The following PDPR variants were observed in gnomAD, a reference collection of about 807,000 sequenced individuals.
PDPR encodes pyruvate dehydrogenase phosphatase regulatory subunit, mitochondrial.
A neutral mutation model predicts 102.2 loss-of-function variants in PDPR; 50 were observed. The ratio of observed to expected loss-of-function variants is 0.49; its 90% confidence interval spans 0.39 to 0.62. PDPR has a LOEUF of 0.62. Among genes scored for constraint, PDPR ranks in the 20% least tolerant of loss-of-function variants. The pLI is 0.00. For synonymous variants in PDPR, 259 were observed against 406.0 expected (o/e 0.64, Z 4.35); for missense variants, 625 against 1,098.2 (o/e 0.57, Z 6.09).
intron 11 of PDPR, among the ~76,000 whole-genome samples, chr16:70,141,115 G>A (rs540389364): frequency 1.2e-4 from 19 of 152,210 alleles, no homozygotes; most frequent in East Asian, 9.7e-4. Context: ...GTGCCGTGGC[G>A]TGATTTCGGC....
rs775038419 is a variant in PDPR at position 70,156,873 on chromosome 16, G to C, written c.2634G>C (p.Gly878=). ...KDDMELSDLH[G]K The stretch of plus-strand genomic sequence containing the variant: ...ACATGGAGCTGAGTGACTTACATGG[G>C]AAGTGATGCCACCAGGGCAGCCTCA... The change falls in exon 19 of 19, where the codon GGG becomes GGC. Residue 878 remains glycine (G), a synonymous_variant. Transcript: ENST00000288050. 6.2e-7 allele frequency: 1 copy of C among 1,613,408 alleles called. No individual in the cohort carries two copies. The highest frequency in any genetic ancestry group is 8.5e-7 in the Non-Finnish European group (1 of 1,179,610).
chr16:70,151,224 G>A (rs768873675), intron 17 of PDPR, among the ~76,000 whole-genome samples: 2 of 152,232 alleles, frequency 1.3e-5, no homozygotes, highest in African/African-American at 2.4e-5. Flanking sequence ...ATGAGCCACC[G>A]CACCCGGCCT....
intron 18 of PDPR, chr16:70,156,228 A>C (rs1339755002): frequency 1.8e-6 from 1 of 548,810 alleles, no homozygotes; most frequent in East Asian, 3.3e-5. Flanking sequence ...TTGTGACTTT[A>C]TGTTTATAAA....
chr16:70,148,003 A>C (rs1372461418), intron 16 of PDPR, among the ~76,000 whole-genome samples: 2 of 152,240 alleles, frequency 1.3e-5, no homozygotes. Context: ...TGTTCTGAGA[A>C]TCAGAAGCCC....
intron 3 of PDPR, among the ~76,000 whole-genome samples, chr16:70,125,518 C>T (rs1344100929): frequency 2.1e-5 from 3 of 141,446 alleles, no homozygotes; most frequent in South Asian, 2.2e-4. Context: ...TGTGCCATTG[C>T]ACTCCAGCCT....
chr16:70,119,629 C>T (rs1963014275), intron 2 of PDPR, among the ~76,000 whole-genome samples: 1 of 149,518 alleles, frequency 6.7e-6, no homozygotes, highest in Non-Finnish European at 1.5e-5. Context: ...AAATGTATAG[C>T]TCGTTCCTTA....
In PDPR at chr16:70,156,909, A is replaced by G. The variant is rs1047213855; in HGVS notation, c.*30A>G. On this transcript the variant is annotated 3_prime_UTR_variant, in exon 19 of 19. Coordinates refer to ENST00000288050, the MANE Select transcript of PDPR (RefSeq NM_017990.5). ...ACCAGGGCAGCCTCACCTCCTCCCC[A>G]TCATCTTGTCCTAGAGTGGGCGTCA... 25 of 1,606,814 alleles carry G rather than the reference A, an allele frequency of 1.6e-5. No individual in the cohort carries two copies. Among genetic ancestry groups the G allele is most frequent in the Non-Finnish European group, 2.1e-5 (25 of 1,176,684 alleles).
chr16:70,153,708 G>A, intron 18 of PDPR, 135 bp downstream of exon 18: 2 of 941,522 alleles, frequency 2.1e-6, no homozygotes, highest in East Asian at 2.7e-5. Flanking sequence ...AGGTAAATGA[G>A]GACAAGAGTG....
chr16:70,115,109 T>C (rs1597277500), intron 2 of PDPR, among the ~76,000 whole-genome samples, 179 bp downstream of exon 2: 1 of 152,126 alleles, frequency 6.6e-6, no homozygotes, highest in Non-Finnish European at 1.5e-5. Context: ...GGGACTTGTG[T>C]TAATTTCTTT....
At chr16:70,138,207 ATTTTTTTTTTT>A (rs1201065640) in intron 10 of PDPR, among the ~76,000 whole-genome samples, 955 of 93,888 alleles carry the variant, frequency 0.01, 3 homozygotes, top group Non-Finnish European at 0.014. Context: ...ACGCCGGCTA[ATTTTTTTTTTT>A]TTTTTTTTTT....
intron 14 of PDPR, among the ~76,000 whole-genome samples, chr16:70,144,031 A>C (rs1225183620): frequency 1.3e-5 from 2 of 152,198 alleles, no homozygotes; most frequent in Non-Finnish European, 2.9e-5. Flanking sequence ...AGCTGGGACC[A>C]CAGGTACACG....
At chr16:70,122,841 C>T (rs1161569570) in intron 3 of PDPR, among the ~76,000 whole-genome samples, 6 of 78,192 alleles carry the variant, frequency 7.7e-5, no homozygotes, top group Non-Finnish European at 3.0e-5. Flanking sequence ...AGTTATATAT[C>T]TGTATACACA....
chr16:70,133,421 C>CTTGTTTTTTTTTTTTTTTTT, intron 9 of PDPR, among the ~76,000 whole-genome samples: 1 of 103,756 alleles, frequency 9.6e-6, no homozygotes, highest in South Asian at 3.4e-4. Flanking sequence ...TGCGTCTGGC[C>CTTGTTTTTTTTTTTTTTTTT]TTTTTTTTTT....
At chr16:70,151,398 A>G (rs62051028) in intron 17 of PDPR, among the ~76,000 whole-genome samples, 1 of 152,280 alleles carries the variant, frequency 6.6e-6, no homozygotes, top group South Asian at 2.1e-4. Context: ...CACTGTGCCC[A>G]ACCCTTTTTA....
At chr16:70,134,112 A>G (rs1964846826) in intron 9 of PDPR, among the ~76,000 whole-genome samples, 2 of 152,278 alleles carry the variant, frequency 1.3e-5, no homozygotes, top group African/African-American at 4.8e-5. Context: ...AGGACTTCAT[A>G]TAAAATTGAA....
In PDPR at chr16:70,156,605, T is replaced by A. The variant is rs1260655214; in HGVS notation, c.2366T>A (p.Ile789Asn). Residue 789 changes from isoleucine to asparagine, a missense_variant, in exon 19 of 19, where the codon ATT becomes AAT. By Grantham distance (149) the Ile-to-Asn change is moderately radical. Around this residue, in one of 11 missense-constraint regions of PDPR, gnomAD observed 303 missense variants for 258.9 expected, o/e 1.17. Coordinates refer to ENST00000288050, the MANE Select transcript of PDPR (RefSeq NM_017990.5). Reference sequence around the variant, plus strand: ...CTTTGGCCTTGGTGGGGAGAGCCCATTTACCGGAATGGGCAGTATGTTGGC... The same window carrying A: ...CTTTGGCCTTGGTGGGGAGAGCCCAATTACCGGAATGGGCAGTATGTTGGC... ...LDLWPWWGEP[I>N]YRNGQYVGKT... 1.2e-6 allele frequency: 2 copies of A among 1,614,086 alleles called. No individual in the cohort carries two copies. Among genetic ancestry groups the A allele is most frequent in the Non-Finnish European group, 1.7e-6 (2 of 1,179,912 alleles).
At position 70,157,732 on chromosome 16, in the gene PDPR, G is replaced by A. The variant is rs1967377692; in HGVS notation, c.*853G>A. 1 of 157,746 alleles carries A rather than the reference G, an allele frequency of 6.3e-6. No homozygotes were observed. The highest frequency in any genetic ancestry group is 1.9e-4 in the East Asian group (1 of 5,274). The allele number at this position is 157,746 out of a possible 1,614,324, so 9.8% of individuals were successfully genotyped here. A position where few individuals can be genotyped will look rare whatever the true frequency, so the allele number is the denominator to read the frequency against. On this transcript the variant is annotated 3_prime_UTR_variant, in exon 19 of 19. Transcript: ENST00000288050. The stretch of plus-strand genomic sequence containing the variant: ...AGAAAGTCCCCACCAGTGATGCTGA[G>A]TGTTCTGCTATGGAAACAATGCTGC...
intron 11 of PDPR, 51 bp from the exon 12 acceptor site, chr16:70,142,183 G>C (rs1366255583): frequency 3.1e-6 from 5 of 1,590,450 alleles, no homozygotes; most frequent in Non-Finnish European, 4.3e-6. Flanking sequence ...GGGCTACTCA[G>C]GTCTAGAATC....
At chr16:70,155,606 T>C (rs192806015) in intron 18 of PDPR, among the ~76,000 whole-genome samples, 398 of 152,118 alleles carry the variant, frequency 2.6e-3, no homozygotes, top group Admixed American at 3.5e-3. Flanking sequence ...GTCAGGCTGG[T>C]CTCGAACTCC....
Sources: gnomAD v4.1 joint callset for allele counts (sites outside exome capture counted in the v4.1 genomes callset) on GRCh38, gnomAD v4.1.1 for gene constraint, gnomAD v4.1.1 regional missense constraint, MANE v1.5 for transcripts, NCBI Gene and HGNC (gene_info 2026-07-23, HGNC 2026-07-21) for gene names.